The following PGS1 variants were observed in gnomAD, a reference collection of about 807,000 sequenced individuals.
The protein encoded by PGS1 is phosphatidylglycerophosphate synthase 1.
In PGS1, 44 loss-of-function variants were observed where a neutral mutation model predicts 58.3. That is an observed-to-expected ratio of 0.75 (90% confidence interval 0.59 to 0.97). The LOEUF (loss-of-function observed/expected upper bound fraction) is 0.97, where lower values mean the gene tolerates loss of function less well. Ranked by LOEUF, PGS1 falls within the 50% of genes least tolerant of loss-of-function variation. PGS1 has a pLI of 0.00. For missense variants in PGS1, 684 were observed against 731.1 expected (o/e 0.94, Z 0.74); for synonymous variants, 330 against 311.0 (o/e 1.06, Z -0.64).
intron 1 of PGS1, among the ~76,000 whole-genome samples, chr17:78,380,627 A>T (rs188926479): frequency 2.6e-5 from 4 of 152,190 alleles, no homozygotes; most frequent in African/African-American, 9.7e-5. Flanking sequence ...CCTGGCATCA[A>T]ACCACTGAGA....
intron 7 of PGS1, among the ~76,000 whole-genome samples, chr17:78,409,936 CTG>C (rs1237359149): frequency 6.6e-6 from 1 of 152,040 alleles, no homozygotes; most frequent in Non-Finnish European, 1.5e-5. Context: ...CATAGTGAAA[CTG>C]TGTCTCTACT....
At chr17:78,384,034 G>A (rs938107788) in intron 1 of PGS1, among the ~76,000 whole-genome samples, 2 of 152,220 alleles carry the variant, frequency 1.3e-5, no homozygotes, top group Non-Finnish European at 2.9e-5. Context: ...TAGAACATGC[G>A]ATTGGTTCTC....
rs567656981 is a variant in PGS1, at chr17:78,395,998, C to T, written c.334-310C>T. ...CAAGTGATCTGCCTGCCTCGGCCTC[C>T]GAAAGTGCTGGGATTATAGGCGTGA... is the stretch of plus-strand genomic sequence containing the variant. On this transcript the variant is annotated intron_variant, in intron 2 of 9. Coordinates refer to ENST00000262764, the MANE Select transcript of PGS1 (RefSeq NM_024419.5). Among the ~76,000 whole-genome samples the T allele has an allele frequency of 3.8e-3, 574 of 152,366 alleles. 5 individuals carry two copies. The highest frequency in any genetic ancestry group is 6.3e-3 in the Admixed American group (96 of 15,294).
chr17:78,414,323 C>T (rs746748456), intron 7 of PGS1, among the ~76,000 whole-genome samples: 7 of 152,202 alleles, frequency 4.6e-5, no homozygotes, highest in Non-Finnish European at 8.8e-5. Context: ...GCTTGGGTCG[C>T]GTGGTTGTCC....
chr17:78,400,397 C>T lies in PGS1; in HGVS notation c.702-280C>T, dbSNP rs1166419611. Among the ~76,000 whole-genome samples the T allele has an allele frequency of 6.7e-6, 1 of 149,922 alleles. No individual in the cohort carries two copies. Among genetic ancestry groups the T allele is most frequent in the African/African-American group, 2.4e-5 (1 of 40,930 alleles). ...GAGATTGTCTCAAAAAAAAAAAAAGCCCTGTGTGGTTAGTTGACTTTCTGT... is the reference window on the plus strand; with the variant it reads ...GAGATTGTCTCAAAAAAAAAAAAAGTCCTGTGTGGTTAGTTGACTTTCTGT... On this transcript the variant is annotated intron_variant, in intron 5 of 9. Transcript: ENST00000262764. This position sits in a 1 kb window ranked among gnomAD's most constrained non-coding sequence, Gnocchi z 4.4.
chr17:78,414,863 T>C lies in PGS1; in HGVS notation c.1403-16T>C. 1 of 1,613,402 alleles carries C rather than the reference T, an allele frequency of 6.2e-7. No homozygotes were observed. The highest frequency in any genetic ancestry group is 8.5e-7 in the Non-Finnish European group (1 of 1,179,460). On this transcript the variant is annotated splice_polypyrimidine_tract_variant and intron_variant, in intron 7 of 9. Transcript: ENST00000262764. The stretch of plus-strand genomic sequence containing the variant: ...CTGTGCTCATTTCCTGTCTGCACGT[T>C]TCCTTTTCCCCGCAGGCCTCTGGCT...
intron 8 of PGS1, among the ~76,000 whole-genome samples, chr17:78,416,193 A>T (rs1320541277): frequency 6.6e-6 from 1 of 152,114 alleles, no homozygotes; most frequent in Non-Finnish European, 1.5e-5. Flanking sequence ...CAGTGGGGTA[A>T]TGGGTTTGCT....
At chr17:78,410,645 T>C (rs1567990191) in intron 7 of PGS1, among the ~76,000 whole-genome samples, 1 of 151,820 alleles carries the variant, frequency 6.6e-6, no homozygotes, top group Non-Finnish European at 1.5e-5. Context: ...AGCTAGTTTT[T>C]GTATTTTTAG....
chr17:78,421,247 T>A (rs2085709558), intron 9 of PGS1: 1 of 151,646 alleles, frequency 6.6e-6, no homozygotes, highest in Non-Finnish European at 1.5e-5. Context: ...CTCTTTATCA[T>A]CTTCAGGTGC....
chr17:78,402,689 C>G (rs561814507), intron 6 of PGS1, among the ~76,000 whole-genome samples: 1 of 152,288 alleles, frequency 6.6e-6, no homozygotes, highest in Non-Finnish European at 1.5e-5. Flanking sequence ...CTCAGGTGAT[C>G]TGCCCGCTCC....
chr17:78,412,804 G>A (rs1429399420), intron 7 of PGS1, among the ~76,000 whole-genome samples: 1 of 152,232 alleles, frequency 6.6e-6, no homozygotes, highest in African/African-American at 2.4e-5. Flanking sequence ...ACACTGAACA[G>A]ACCCACTGTT....
chr17:78,422,198 C>T (rs142614021), intron 9 of PGS1, among the ~76,000 whole-genome samples: 1 of 152,112 alleles, frequency 6.6e-6, no homozygotes, highest in Non-Finnish European at 1.5e-5. Flanking sequence ...ACCTGAAGGG[C>T]TGCAGTGACC....
chr17:78,418,509 C>T (rs886069533), intron 8 of PGS1, among the ~76,000 whole-genome samples: 5 of 152,108 alleles, frequency 3.3e-5, no homozygotes, highest in African/African-American at 4.8e-5. Flanking sequence ...CTTCTCATGG[C>T]GAAAACTGGT....
intron 3 of PGS1, 161 bp from the exon 4 acceptor site, chr17:78,398,091 C>T: frequency 1.4e-6 from 1 of 716,020 alleles, no homozygotes; most frequent in East Asian, 2.6e-5. Context: ...AAGGTGCTCT[C>T]AGACAGATAG....
At chr17:78,423,800 CG>C in intron 9 of PGS1, 1 of 1,443,418 alleles carries the variant, frequency 6.9e-7, no homozygotes, top group Non-Finnish European at 9.4e-7. Flanking sequence ...TTTAAGAGAA[CG>C]AAAAACCACC....
Position 78,424,630 on chromosome 17 carries a change from A to T in PGS1, c.*580A>T, listed in dbSNP as rs941150668. On this transcript the variant is annotated 3_prime_UTR_variant, in exon 10 of 10. Transcript: ENST00000262764. ...ATGGTGTTTTTATTTCCTGTCTGAA[A>T]TCTCAAAATAAACAAACATGGAGAG... 2.6e-5 allele frequency: 4 copies of T among 155,608 alleles called. No individual in the cohort carries two copies. Among genetic ancestry groups the T allele is most frequent in the African/African-American group, 9.6e-5 (4 of 41,482 alleles). The allele number at this position is 155,608 out of a possible 1,614,324, so 9.6% of individuals were successfully genotyped here.
chr17:78,400,573 A>C lies in PGS1; in HGVS notation c.702-104A>C. The C allele has an allele frequency of 1.1e-6, 1 of 884,246 alleles. No individual in the cohort carries two copies. Among genetic ancestry groups the C allele is most frequent in the Non-Finnish European group, 1.8e-6 (1 of 545,868 alleles). 54.8% of individuals were successfully genotyped at this position (884,246 alleles called of 1,614,324 possible). The stretch of plus-strand genomic sequence containing the variant: ...TATTTGTTAACTGCATCTTGACCTG[A>C]GTTTGTCACCCCCCTGCTAGTTCAC... On this transcript the variant is annotated intron_variant, in intron 5 of 9. Coordinates refer to ENST00000262764, the MANE Select transcript of PGS1 (RefSeq NM_024419.5). The surrounding 1 kb of genome is among the most constrained non-coding windows in gnomAD (Gnocchi z 4.4).
chr17:78,378,676 C>T lies in PGS1; in HGVS notation c.11C>T (p.Ala4Val), dbSNP rs762920883. ...AAGCGGCGAGTCTCCATGGCGGTGG[C>T]GGCGGCAGCTGCGGCGGGACCCGTG... Reference protein sequence around the residue: MAVAAAAAAGPVFW... With the variant: MAVVAAAAAGPVFW... Residue 4 changes from alanine to valine, a missense_variant, in exon 1 of 10, where the codon GCG (alanine) becomes GTG (valine). By Grantham distance (64) the Ala-to-Val change is moderately conservative. Transcript: ENST00000262764. 1.1e-5 allele frequency: 17 copies of T among 1,532,984 alleles called. No individual in the cohort carries two copies. Among genetic ancestry groups the T allele is most frequent in the African/African-American group, 2.8e-5 (2 of 70,242 alleles). 95.0% of individuals were successfully genotyped at this position (1,532,984 alleles called of 1,614,324 possible). A position where few individuals can be genotyped will look rare whatever the true frequency, so the allele number is the denominator to read the frequency against.
rs535523184 is a variant in PGS1 at position 78,378,698 on chromosome 17, C to A, written c.33C>A (p.Pro11=). 3 of 1,524,876 alleles carry A rather than the reference C, an allele frequency of 2.0e-6. No homozygotes were observed. Among genetic ancestry groups the A allele is most frequent in the East Asian group, 2.6e-5 (1 of 37,896 alleles). The allele number at this position is 1,524,876 out of a possible 1,614,324, so 94.5% of individuals were successfully genotyped here. MAVAAAAAAG[P]VFWRRLLGLL... ...TGGCGGCGGCAGCTGCGGCGGGACC[C>A]GTGTTCTGGAGGCGACTGCTGGGCC... Residue 11 remains proline, a synonymous_variant, in exon 1 of 10, where the codon CCC becomes CCA. Coordinates refer to ENST00000262764, the MANE Select transcript of PGS1 (RefSeq NM_024419.5).
Sources: allele counts gnomAD v4.1 joint callset (sites outside exome capture counted in the v4.1 genomes callset), GRCh38; gene constraint gnomAD v4.1.1; non-coding constraint Gnocchi (gnomAD v3.1); transcripts MANE v1.5; gene names NCBI Gene and HGNC (gene_info 2026-07-23, HGNC 2026-07-21).